Variants in PKHD1L1 observed in about 807,000 individuals in gnomAD.
PKHD1L1 encodes PKHD1 like 1.
In PKHD1L1, 434 loss-of-function variants were observed where a neutral mutation model predicts 462.9. That is an observed-to-expected ratio of 0.94 (90% CI 0.87 to 1.02). The LOEUF (loss-of-function observed/expected upper bound fraction) is 1.02, where lower values mean the gene tolerates loss of function less well. Among genes scored for constraint, PKHD1L1 ranks in the 50% least tolerant of loss-of-function variants. The pLI is 0.00. For missense variants in PKHD1L1, 5,202 were observed against 5,096.1 expected (o/e 1.02, Z -0.63); for synonymous variants, 1,781 against 1,750.0 (o/e 1.02, Z -0.44).
At chr8:109,433,875 G>T (rs902708372) in intron 28 of PKHD1L1, among the ~76,000 whole-genome samples, 1 of 151,850 alleles carries the variant, frequency 6.6e-6, no homozygotes, top group Non-Finnish European at 1.5e-5. Context: ...CTGTATTATT[G>T]GTGTTCTAAA....
In PKHD1L1 at chr8:109,425,167, T is replaced by C. The variant is rs552734296; in HGVS notation, c.2780T>C (p.Ile927Thr). The C allele has an allele frequency of 1.7e-5, 27 of 1,610,498 alleles. No homozygotes were observed. In the East Asian group the frequency reaches 5.1e-4, roughly 31 times the overall value. ...GAGTCAAAAATTCATATTCAAAGAA[T>C]TCAAGCTGCATCTCCACCTCTAAGT... is the stretch of plus-strand genomic sequence containing the variant. ...PGESKIHIQRIQAASPPLSGS... is the reference protein window; with the variant it reads ...PGESKIHIQRTQAASPPLSGS... The change falls in exon 24 of 78, where the codon ATT becomes ACT. Residue 927 changes from isoleucine to threonine, a missense_variant. Physicochemically the swap from Ile to Thr is moderately conservative, Grantham distance 89 (BLOSUM62 -1). Coordinates refer to ENST00000378402, the MANE Select transcript of PKHD1L1 (RefSeq NM_177531.6).
rs2130942508 is a variant in PKHD1L1 at position 109,498,097 on chromosome 8, T to C, written c.10600-365T>C. ...TCATTATCATGTTTTCTTTTTTTTT[T>C]TTTTTTTTTTTTTTTGAGACGGAGT... is the stretch of plus-strand genomic sequence containing the variant. On this transcript the variant is annotated intron_variant, in intron 65 of 77. Coordinates refer to ENST00000378402, the MANE Select transcript of PKHD1L1 (RefSeq NM_177531.6). Among the ~76,000 whole-genome samples, 3 of 43,262 alleles carry C rather than the reference T, an allele frequency of 6.9e-5. 1 individual carries two copies. Among genetic ancestry groups the C allele is most frequent in the African/African-American group, 1.3e-4 (1 of 7,580 alleles). The allele number at this position is 43,262 out of a possible 152,430, so 28.4% of individuals were successfully genotyped here. A position where few individuals can be genotyped will look rare whatever the true frequency, so the allele number is the denominator to read the frequency against.
chr8:109,427,171 C>G lies in PKHD1L1; in HGVS notation c.3000+15C>G, dbSNP rs1479591672. The G allele has an allele frequency of 6.3e-7, 1 of 1,594,272 alleles. No individual in the cohort carries two copies. The highest frequency in any genetic ancestry group is 8.6e-7 in the Non-Finnish European group (1 of 1,163,246). On this transcript the variant is annotated intron_variant, in intron 25 of 77. Coordinates refer to ENST00000378402, the MANE Select transcript of PKHD1L1 (RefSeq NM_177531.6). Reference sequence around the variant, plus strand: ...ATCTTCTACAGGTTCCCTCATTTGGCTTGGCTTCTCTTTTCTTCTATGTGC... The same window carrying G: ...ATCTTCTACAGGTTCCCTCATTTGGGTTGGCTTCTCTTTTCTTCTATGTGC...
At chr8:109,516,628 G>A (rs1168310094) in intron 72 of PKHD1L1, among the ~76,000 whole-genome samples, 1 of 152,126 alleles carries the variant, frequency 6.6e-6, no homozygotes, top group Non-Finnish European at 1.5e-5. Context: ...CAGTCTAGCT[G>A]TAAAACCCAT....
At chr8:109,490,905 C>T (rs1179786809) in intron 60 of PKHD1L1, 67 bp from the exon 61 acceptor site, 17 of 1,363,980 alleles carry the variant, frequency 1.2e-5, no homozygotes, top group Non-Finnish European at 1.5e-5. Context: ...AAATCATTTA[C>T]TTCAATTTTT....
At position 109,504,426 on chromosome 8, in the gene PKHD1L1, T is replaced by A; in HGVS notation, c.10928T>A (p.Val3643Glu). 1 of 1,567,256 alleles carries A rather than the reference T, an allele frequency of 6.4e-7. No homozygotes were observed. ...LNEDLQHPIH[V>E]KNIKLVDTTE... Reference sequence around the variant, plus strand: ...GAGGATTTACAGCATCCAATCCATGTGAAGAATATAAAACTGGTTGATACC... The same window carrying A: ...GAGGATTTACAGCATCCAATCCATGAGAAGAATATAAAACTGGTTGATACC... Residue 3643 changes from valine to glutamate, a missense_variant, in exon 68 of 78, where the codon GTG becomes GAG. Val to Glu is a moderately radical substitution (Grantham distance 121). This residue lies in a region of PKHD1L1 where 698 missense variants were observed against 736.3 expected (regional missense o/e 0.95). Transcript: ENST00000378402.
chr8:109,516,739 A>G (rs1820289214), intron 72 of PKHD1L1, among the ~76,000 whole-genome samples: 1 of 152,132 alleles, frequency 6.6e-6, no homozygotes, highest in South Asian at 2.1e-4. Context: ...AATGGCATTT[A>G]TAGCTTAATT....
rs1046737740 is a variant in PKHD1L1 at position 109,505,391 on chromosome 8, G to C, written c.10994+899G>C. ...CATAAACTTAGAACAATGATTTTCTGATCACAAAGGTCAGTTGGTGTCAGG... is the reference window on the plus strand; with the variant it reads ...CATAAACTTAGAACAATGATTTTCTCATCACAAAGGTCAGTTGGTGTCAGG... On this transcript the variant is annotated intron_variant, in intron 68 of 77. Transcript: ENST00000378402. 2.6e-5 allele frequency among the ~76,000 whole-genome samples: 4 copies of C among 152,068 alleles called. No homozygotes were observed. In the East Asian group the frequency reaches 7.7e-4, roughly 29 times the overall value.
intron 76 of PKHD1L1, among the ~76,000 whole-genome samples, chr8:109,523,602 C>T (rs575663868): frequency 2.0e-5 from 3 of 152,078 alleles, no homozygotes; most frequent in South Asian, 4.2e-4. Context: ...TTAAGGAAAT[C>T]GAATTATATC....
chr8:109,503,374 A>G (rs1214494949), intron 67 of PKHD1L1, among the ~76,000 whole-genome samples: 1 of 152,156 alleles, frequency 6.6e-6, no homozygotes, highest in Non-Finnish European at 1.5e-5. Context: ...TATAGGAGGA[A>G]CTAGGGGTTG....
At chr8:109,483,686 G>T (rs1818386560) in intron 57 of PKHD1L1, among the ~76,000 whole-genome samples, 1 of 150,578 alleles carries the variant, frequency 6.6e-6, no homozygotes, top group Non-Finnish European at 1.5e-5. Context: ...AACATTTTTG[G>T]ATAAAATTAT....
At chr8:109,438,527 GC>G in intron 31 of PKHD1L1, 71 bp downstream of exon 31, 1 of 1,369,520 alleles carries the variant, frequency 7.3e-7, no homozygotes, top group Non-Finnish European at 9.8e-7. Flanking sequence ...GGCTTTTGAA[GC>G]ATAGTTTCTT....
intron 45 of PKHD1L1, among the ~76,000 whole-genome samples, chr8:109,455,173 A>G (rs1198066694): frequency 2.6e-5 from 4 of 152,136 alleles, no homozygotes; most frequent in African/African-American, 9.7e-5. Context: ...CCCTGTCTCC[A>G]CTAAAAATAC....
intron 1 of PKHD1L1, 76 bp downstream of exon 1, chr8:109,362,729 G>A (rs1347776814): frequency 6.8e-7 from 1 of 1,478,660 alleles, no homozygotes; most frequent in African/African-American, 1.4e-5. Flanking sequence ...GGGGTCCTGG[G>A]AGAGGCAGGA....
chr8:109,438,921 G>T lies in PKHD1L1; in HGVS notation c.3785G>T (p.Gly1262Val), dbSNP rs1297383844. 3 of 1,611,326 alleles carry T rather than the reference G, an allele frequency of 1.9e-6. No individual in the cohort carries two copies. Among genetic ancestry groups the T allele is most frequent in the East Asian group, 2.2e-5 (1 of 44,788 alleles). Residue 1262 changes from glycine to valine, a missense_variant, in exon 32 of 78, where the codon GGC (glycine) becomes GTC (valine). Around this residue, in one of 3 missense-constraint regions of PKHD1L1, gnomAD observed 4,497 missense variants for 4,336.8 expected, o/e 1.04. Transcript: ENST00000378402. The stretch of plus-strand genomic sequence containing the variant: ...GGAGAAGTTAATTTAACAATTAAGG[G>T]CTATAATTTTGGAAATGAACTCACA... The part of the protein sequence containing the change: ...ILGEVNLTIK[G>V]YNFGNELTQN...
In PKHD1L1 at chr8:109,536,530, C is replaced by A. The variant is rs1167705289; in HGVS notation, c.*6440C>A. ...TTAGACTGCCAGATGCTGTTCCCATCAACTCTACTTAATTCATAATATAGC... is the reference window on the plus strand; with the variant it reads ...TTAGACTGCCAGATGCTGTTCCCATAAACTCTACTTAATTCATAATATAGC... On this transcript the variant is annotated 3_prime_UTR_variant, in exon 78 of 78. Coordinates refer to ENST00000378402, the MANE Select transcript of PKHD1L1 (RefSeq NM_177531.6). Among the ~76,000 whole-genome samples the A allele has an allele frequency of 6.6e-6, 1 of 152,214 alleles. No homozygotes were observed. The highest frequency in any genetic ancestry group is 2.4e-5 in the African/African-American group (1 of 41,438).
At chr8:109,508,328 G>A (rs1441241389) in intron 70 of PKHD1L1, 64 bp downstream of exon 70, 7 of 1,461,282 alleles carry the variant, frequency 4.8e-6, no homozygotes, top group South Asian at 1.3e-5. Flanking sequence ...AATGCATGAA[G>A]CCATCTCATA....
chr8:109,424,921 G>T (rs937393652), intron 23 of PKHD1L1, among the ~76,000 whole-genome samples, 164 bp from the exon 24 acceptor site: 3 of 152,106 alleles, frequency 2.0e-5, no homozygotes, highest in African/African-American at 7.2e-5. Flanking sequence ...AGCCATATAG[G>T]TATGGCCTGT....
Position 109,464,646 on chromosome 8 carries a change from G to T in PKHD1L1, c.7814G>T (p.Arg2605Ile). ...TATGACAGAAACATTTGTCAAAAAA[G>T]AGTTCCCCTTGGCGAATTTTTTAAC... ...PSYDRNICQK[R>I]VPLGEFFNNT... Residue 2605 changes from arginine (R) to isoleucine (I), a missense_variant, in exon 49 of 78, where the codon AGA becomes ATA. Coordinates refer to ENST00000378402, the MANE Select transcript of PKHD1L1 (RefSeq NM_177531.6). The T allele has an allele frequency of 6.2e-7, 1 of 1,612,802 alleles. No individual in the cohort carries two copies. Among genetic ancestry groups the T allele is most frequent in the Non-Finnish European group, 8.5e-7 (1 of 1,179,790 alleles).
Sources: gnomAD v4.1 joint callset for allele counts (sites outside exome capture counted in the v4.1 genomes callset) on GRCh38, gnomAD v4.1.1 for gene constraint, gnomAD v4.1.1 regional missense constraint, MANE v1.5 for transcripts, NCBI Gene and HGNC (gene_info 2026-07-23, HGNC 2026-07-21) for gene names.